PRMT7: variants seen among roughly 807,000 people sequenced by gnomAD.
PRMT7 encodes protein arginine methyltransferase 7.
PRMT7 carries 75 observed loss-of-function variants against 85.4 expected under a neutral mutation model. The observed-to-expected ratio is 0.88, with a 90% CI of 0.73 to 1.06. The LOEUF (loss-of-function observed/expected upper bound fraction) is 1.06, where lower values mean the gene tolerates loss of function less well. Ranked by LOEUF, PRMT7 falls within the 50% of genes least tolerant of loss-of-function variation. The pLI is 0.00. For synonymous variants in PRMT7, 397 were observed against 359.5 expected, an observed-to-expected ratio of 1.10 and a Z score of -1.18; for missense variants, 868 against 915.2, an observed-to-expected ratio of 0.95 and a Z score of 0.67.
intron 5 of PRMT7, among the ~76,000 whole-genome samples, chr16:68,327,659 T>C (rs1799903692): frequency 1.3e-5 from 2 of 152,150 alleles, no homozygotes; most frequent in Non-Finnish European, 2.9e-5. Flanking sequence ...CCAAAAATAC[T>C]AAATGGAGCC....
intron 13 of PRMT7, 25 bp downstream of exon 13, chr16:68,347,703 A>G: frequency 6.2e-7 from 1 of 1,610,940 alleles, no homozygotes; most frequent in Non-Finnish European, 8.5e-7. Context: ...TTGTTGCTGA[A>G]ATAGTGAGAG....
At chr16:68,353,281 G>A in intron 15 of PRMT7, 1 of 1,061,576 alleles carries the variant, frequency 9.4e-7, no homozygotes, top group Non-Finnish European at 1.3e-6. Flanking sequence ...TTATAGGAGA[G>A]GACTCAGGTG....
intron 14 of PRMT7, among the ~76,000 whole-genome samples, chr16:68,349,201 G>A (rs1469135303): frequency 6.6e-6 from 1 of 152,070 alleles, no homozygotes; most frequent in Non-Finnish European, 1.5e-5. Flanking sequence ...TGCCTGTGCT[G>A]GGGAGGTCGC....
Position 68,324,816 on chromosome 16 carries a change from T to G in PRMT7, c.266T>G (p.Phe89Cys), listed in dbSNP as rs780608603. Reference protein sequence around the residue: ...SMMAVTAGADFCYAIEVFKPM... With the variant: ...SMMAVTAGADCCYAIEVFKPM... The stretch of plus-strand genomic sequence containing the variant: ...ATGGCGGTCACAGCAGGTGCCGACT[T>G]CTGCTATGCCATCGAGGTAAGCCAT... Residue 89 changes from phenylalanine to cysteine, a missense_variant, in exon 5 of 19, where the codon TTC becomes TGC. Coordinates refer to ENST00000441236, the MANE Select transcript of PRMT7 (RefSeq NM_019023.5). 2 of 1,614,118 alleles carry G rather than the reference T, an allele frequency of 1.2e-6. No individual in the cohort carries two copies. Among genetic ancestry groups the G allele is most frequent in the Non-Finnish European group, 1.7e-6 (2 of 1,180,026 alleles).
intron 3 of PRMT7, among the ~76,000 whole-genome samples, chr16:68,320,121 T>C (rs141511784): frequency 6.6e-6 from 1 of 152,308 alleles, no homozygotes; most frequent in Non-Finnish European, 1.5e-5. Flanking sequence ...GGCAGAGATG[T>C]AGGCCAGGTT....
chr16:68,326,492 C>T (rs1466806949), intron 5 of PRMT7, among the ~76,000 whole-genome samples: 1 of 152,178 alleles, frequency 6.6e-6, no homozygotes, highest in Non-Finnish European at 1.5e-5. Flanking sequence ...GGGATCCCCC[C>T]ACCTCAGCCT....
chr16:68,341,652 G>A (rs1174655713), intron 9 of PRMT7, among the ~76,000 whole-genome samples: 1 of 152,078 alleles, frequency 6.6e-6, no homozygotes, highest in Non-Finnish European at 1.5e-5. Context: ...CAGGTGACCT[G>A]CCCCACCGGC....
At position 68,321,447 on chromosome 16, in the gene PRMT7, A is replaced by G. The variant is rs546271757; in HGVS notation, c.117A>G (p.Leu39=). Residue 39 remains leucine, a synonymous_variant, in exon 4 of 19, where the codon CTA becomes CTG. Transcript: ENST00000441236. ...TTAGGTCATCTTATGCAGATATGCTACATGACAAAGACAGAGTAAGTGTAA... is the reference window on the plus strand; with the variant it reads ...TTAGGTCATCTTATGCAGATATGCTGCATGACAAAGACAGAGTAAGTGTAA... ...EIARSSYADM[L]HDKDRNVKYY... The G allele has an allele frequency of 1.9e-6, 3 of 1,610,754 alleles. No individual in the cohort carries two copies. The highest frequency in any genetic ancestry group is 4.5e-5 in the East Asian group (2 of 44,826).
chr16:68,324,878 A>C (rs756909318), intron 5 of PRMT7, 46 bp downstream of exon 5: 3 of 1,608,506 alleles, frequency 1.9e-6, no homozygotes, highest in Non-Finnish European at 2.5e-6. Flanking sequence ...TGCATGGGAA[A>C]TCCCCTATGC....
rs1216532506 is a variant in PRMT7 at position 68,330,967 on chromosome 16, T to G, written c.391+1793T>G. Among the ~76,000 whole-genome samples, 5 of 152,208 alleles carry G rather than the reference T, an allele frequency of 3.3e-5. No homozygotes were observed. In the East Asian group the frequency reaches 9.6e-4, roughly 29 times the overall value. On this transcript the variant is annotated intron_variant, in intron 6 of 18. Transcript: ENST00000441236. ...ATTTACAATCAACGTTATTGAAGTA[T>G]GATTTACATTAAATGAATATCCATT...
At chr16:68,314,775 T>A (rs1034426586) in intron 2 of PRMT7, among the ~76,000 whole-genome samples, 1 of 152,060 alleles carries the variant, frequency 6.6e-6, no homozygotes, top group African/African-American at 2.4e-5. Flanking sequence ...TGCTGAGGAG[T>A]GCCTTTAGAC....
chr16:68,342,387 G>C (rs1311935544), intron 9 of PRMT7, among the ~76,000 whole-genome samples: 1 of 152,194 alleles, frequency 6.6e-6, no homozygotes, highest in Non-Finnish European at 1.5e-5. Context: ...GCAAAATGGG[G>C]GTTGGTTAGA....
chr16:68,344,464 T>C (rs2151802388), intron 9 of PRMT7, among the ~76,000 whole-genome samples: 1 of 152,344 alleles, frequency 6.6e-6, no homozygotes, highest in Non-Finnish European at 1.5e-5. Context: ...CCCGTGGCCT[T>C]CAGCAGCAGC....
intron 6 of PRMT7, among the ~76,000 whole-genome samples, chr16:68,337,078 G>A (rs2084801691): frequency 1.3e-5 from 2 of 152,052 alleles, no homozygotes; most frequent in Admixed American, 1.3e-4. Context: ...TGTGGAAATG[G>A]GGTTTTGTCA....
chr16:68,328,511 C>CA (rs55740206), intron 5 of PRMT7: 5,364 of 54,830 alleles, frequency 0.098, 230 homozygotes, highest in Middle Eastern at 0.14. Context: ...GTATGTATAG[C>CA]AAAAAAAAAA....
chr16:68,355,764 C>T lies in PRMT7; in HGVS notation c.1692C>T (p.His564=), dbSNP rs1189846082. The T allele has an allele frequency of 2.5e-6, 4 of 1,610,362 alleles. No homozygotes were observed. In the African/African-American group the frequency reaches 4.0e-5, roughly 16 times the overall value. The change falls in exon 17 of 19, where the codon CAC becomes CAT. Residue 564 remains histidine (H), a synonymous_variant. Transcript: ENST00000441236. The part of the protein sequence containing the change: ...DFRESREAEP[H]PLWEYPCRSL... Reference sequence around the variant, plus strand: ...GGGAGAGCAGGGAAGCTGAGCCCCACCCGCTGTGGGAGTACCCATGCCGCA... The same window carrying T: ...GGGAGAGCAGGGAAGCTGAGCCCCATCCGCTGTGGGAGTACCCATGCCGCA...
At chr16:68,342,701 A>G (rs918989095) in intron 9 of PRMT7, among the ~76,000 whole-genome samples, 1 of 152,216 alleles carries the variant, frequency 6.6e-6, no homozygotes, top group Non-Finnish European at 1.5e-5. Flanking sequence ...TACCGACAGC[A>G]GCATGTGAGA....
chr16:68,352,525 T>C, intron 15 of PRMT7, 116 bp downstream of exon 15: 1 of 1,021,824 alleles, frequency 9.8e-7, no homozygotes, highest in Non-Finnish European at 1.4e-6. Context: ...GATTTGAGCT[T>C]GTGTTTTCTT....
At chr16:68,346,085 C>T in intron 10 of PRMT7, 60 bp from the exon 11 acceptor site, 2 of 1,603,852 alleles carry the variant, frequency 1.2e-6, no homozygotes, top group Admixed American at 1.7e-5. Flanking sequence ...AGATTCATGC[C>T]CTCTGGAGAC....
Sources: gnomAD v4.1 joint callset for allele counts (sites outside exome capture counted in the v4.1 genomes callset) on GRCh38, gnomAD v4.1.1 for gene constraint, MANE v1.5 for transcripts, NCBI Gene and HGNC (gene_info 2026-07-23, HGNC 2026-07-21) for gene names.